The following ANXA4 variants were observed in gnomAD, a reference collection of about 807,000 sequenced individuals.
The protein encoded by ANXA4 is 35-beta calcimedin.
In ANXA4, 39 loss-of-function variants were observed where a neutral mutation model predicts 49.8. The ratio of observed to expected loss-of-function variants is 0.78; its 90% CI spans 0.61 to 1.02. The LOEUF (loss-of-function observed/expected upper bound fraction) is 1.02, where lower values mean the gene tolerates loss of function less well. Among genes scored for constraint, ANXA4 ranks in the 50% least tolerant of loss-of-function variants. The pLI, the probability that ANXA4 is intolerant of heterozygous loss-of-function variation, is 0.00. For synonymous variants in ANXA4, 134 were observed against 152.5 expected (o/e 0.88, Z 0.89); for missense variants, 360 against 410.1 (o/e 0.88, Z 1.05).
At chr2:69,730,611 C>G (rs1011246193) in intron 3 of ANXA4, among the ~76,000 whole-genome samples, 2 of 152,196 alleles carry the variant, frequency 1.3e-5, no homozygotes, top group African/African-American at 4.8e-5. Flanking sequence ...CCACTGTCTG[C>G]TCAGTATCCA....
chr2:69,796,787 T>C (rs1672961632), intron 3 of ANXA4, among the ~76,000 whole-genome samples: 1 of 152,162 alleles, frequency 6.6e-6, no homozygotes, highest in African/African-American at 2.4e-5. Flanking sequence ...ACTGGGGCAC[T>C]TAGAAGCTGC....
chr2:69,788,130 T>C lies in ANXA4; in HGVS notation c.86T>C (p.Met29Thr), dbSNP rs768455597. The C allele has an allele frequency of 2.5e-6, 4 of 1,613,900 alleles. No individual in the cohort carries two copies. Among genetic ancestry groups the C allele is most frequent in the Non-Finnish European group, 2.5e-6 (3 of 1,179,800 alleles). The change falls in exon 3 of 13, where the codon ATG (methionine) becomes ACG (threonine). Residue 29 changes from methionine (M) to threonine (T), a missense_variant. Transcript: ENST00000394295. ...MEDAQTLRKA[M>T]KGLGTDEDAI... ...GATGCCCAGACCCTGAGGAAGGCCATGAAAGGGCTCGGTATGTGTCCTGCT... is the reference window on the plus strand; with the variant it reads ...GATGCCCAGACCCTGAGGAAGGCCACGAAAGGGCTCGGTATGTGTCCTGCT...
chr2:69,717,596 C>T (rs570401895), intron 2 of ANXA4, among the ~76,000 whole-genome samples: 6 of 152,222 alleles, frequency 3.9e-5, no homozygotes, highest in Non-Finnish European at 7.3e-5. Flanking sequence ...AATTACCCGT[C>T]GCTGCATCTT....
At chr2:69,692,921 A>G (rs977402881) in intron 2 of ANXA4, among the ~76,000 whole-genome samples, 1 of 152,126 alleles carries the variant, frequency 6.6e-6, no homozygotes, top group Non-Finnish European at 1.5e-5. Flanking sequence ...AATTTATTTT[A>G]TTGTACTCTA....
At chr2:69,702,803 T>A (rs72901433) in intron 2 of ANXA4, among the ~76,000 whole-genome samples, 253 of 152,274 alleles carry the variant, frequency 1.7e-3, no homozygotes, top group African/African-American at 6.0e-3. Flanking sequence ...AAAATTTTTT[T>A]AAAACGTAAC....
chr2:69,684,980 G>C (rs1157299202), intron 2 of ANXA4, among the ~76,000 whole-genome samples: 2 of 152,066 alleles, frequency 1.3e-5, no homozygotes, highest in Non-Finnish European at 2.9e-5. Context: ...GATGTCTTTG[G>C]GTCTTGAGAA....
intron 2 of ANXA4, among the ~76,000 whole-genome samples, chr2:69,718,348 G>C (rs1424159785): frequency 6.6e-6 from 1 of 152,130 alleles, no homozygotes; most frequent in African/African-American, 2.4e-5. Context: ...CTGGATGTTT[G>C]TCATTTCACC....
upstream of ANXA4, among the ~76,000 whole-genome samples, chr2:69,739,016 A>G (rs1346550729): frequency 3.3e-5 from 5 of 152,210 alleles, no homozygotes; most frequent in African/African-American, 9.6e-5. Flanking sequence ...ACTACATCTG[A>G]TGTCCCCATT....
chr2:69,802,809 G>T (rs182918852), intron 3 of ANXA4, among the ~76,000 whole-genome samples: 1 of 152,052 alleles, frequency 6.6e-6, no homozygotes, highest in South Asian at 2.1e-4. Context: ...TGAACAAAAG[G>T]TAATGAACCC....
At chr2:69,651,688 G>C (rs1676241737) in intron 1 of ANXA4, among the ~76,000 whole-genome samples, 1 of 151,810 alleles carries the variant, frequency 6.6e-6, no homozygotes, top group Non-Finnish European at 1.5e-5. Flanking sequence ...ATTTTTAGTA[G>C]AGACAGCGTT....
intron 2 of ANXA4, among the ~76,000 whole-genome samples, chr2:69,694,825 T>C (rs947703158): frequency 6.6e-6 from 1 of 152,158 alleles, no homozygotes; most frequent in Non-Finnish European, 1.5e-5. Flanking sequence ...GGGGTCTTGC[T>C]ATGTTGCCCA....
chr2:69,761,283 A>G (rs1172417991), intron 1 of ANXA4, among the ~76,000 whole-genome samples: 1 of 152,088 alleles, frequency 6.6e-6, no homozygotes, highest in African/African-American at 2.4e-5. Flanking sequence ...CTGAATGCAA[A>G]TTTTTCATCA....
chr2:69,733,614 A>T (rs534670787), intron 3 of ANXA4, among the ~76,000 whole-genome samples: 14 of 119,336 alleles, frequency 1.2e-4, no homozygotes, highest in Admixed American at 1.1e-3. Context: ...CCTGTCTTAG[A>T]AAAAAAAAAA....
chr2:69,745,141 G>A (rs1440359656), intron 1 of ANXA4, among the ~76,000 whole-genome samples: 1 of 152,146 alleles, frequency 6.6e-6, no homozygotes, highest in Non-Finnish European at 1.5e-5. Flanking sequence ...AGTGTGAGGG[G>A]TGCATGCTAG....
chr2:69,710,371 CTG>C (rs1166952716), intron 2 of ANXA4, among the ~76,000 whole-genome samples: 1 of 152,104 alleles, frequency 6.6e-6, no homozygotes, highest in Non-Finnish European at 1.5e-5. Context: ...ATTTCCATGT[CTG>C]TAAATTTTTT....
intron 2 of ANXA4, among the ~76,000 whole-genome samples, chr2:69,692,229 T>C (rs1391005963): frequency 6.6e-6 from 1 of 152,200 alleles, no homozygotes; most frequent in Non-Finnish European, 1.5e-5. Context: ...TTGCCTCAGG[T>C]GAAACCACAG....
intron 1 of ANXA4, among the ~76,000 whole-genome samples, chr2:69,757,953 T>TG (rs1219469732): frequency 8.7e-6 from 1 of 114,428 alleles, no homozygotes; most frequent in Non-Finnish European, 1.7e-5. Context: ...AATGAGACTT[T>TG]GTCTCAAAAA....
At chr2:69,823,748 A>G (rs1362723888) in intron 12 of ANXA4, among the ~76,000 whole-genome samples, 1 of 152,250 alleles carries the variant, frequency 6.6e-6, no homozygotes, top group Admixed American at 6.5e-5. Context: ...AAGAAAACAT[A>G]TAATGGAATT....
chr2:69,652,087 C>A (rs143005042), intron 1 of ANXA4, among the ~76,000 whole-genome samples: 13,573 of 152,082 alleles, frequency 0.089, 1,413 homozygotes, highest in East Asian at 0.37. Context: ...ATCTCAGCTC[C>A]CTGCAACCTC....
Sources: gnomAD v4.1 joint callset for allele counts (sites outside exome capture counted in the v4.1 genomes callset) on GRCh38, gnomAD v4.1.1 for gene constraint, MANE v1.5 for transcripts, NCBI Gene and HGNC (gene_info 2026-07-23, HGNC 2026-07-21) for gene names.